Variants in PRKAR1A observed in about 807,000 individuals in gnomAD.
PRKAR1A encodes cAMP-dependent protein kinase type I-alpha regulatory subunit.
In PRKAR1A, 3 loss-of-function variants were observed where a neutral mutation model predicts 52.0. That is an observed-to-expected ratio of 0.06 (90% CI 0.03 to 0.15). The LOEUF is 0.15. PRKAR1A is among the 10% of genes least tolerant of loss of function. The pLI, the probability that PRKAR1A is intolerant of heterozygous loss-of-function variation, is 1.00. For missense variants in PRKAR1A, 240 were observed against 477.4 expected (o/e 0.50, Z 4.63); for synonymous variants, 188 against 168.4 (o/e 1.12, Z -0.90).
At chr17:68,528,740 C>A in intron 8 of PRKAR1A, 130 bp from the exon 9 acceptor site, 1 of 1,259,546 alleles carries the variant, frequency 7.9e-7, no homozygotes, top group Non-Finnish European at 1.1e-6. Flanking sequence ...ACAGGTACCA[C>A]TTTTAATCTG....
At chr17:68,537,826 G>T, downstream of PRKAR1A, 1 of 1,443,936 alleles carries the variant, frequency 6.9e-7, no homozygotes, top group Non-Finnish European at 9.5e-7. This position sits in a 1 kb window ranked among gnomAD's most constrained non-coding sequence, Gnocchi z 4.2. Flanking sequence ...AACAGCTGTT[G>T]TAGCTGATAC....
At chr17:68,495,829 G>A in the PRKAR1A span, among the ~76,000 whole-genome samples, 1 of 150,568 alleles carries the variant, frequency 6.6e-6, no homozygotes, top group Non-Finnish European at 1.5e-5. Flanking sequence ...ATGTTGGCAG[G>A]GCTGCATCCT....
chr17:68,456,619 C>T, the PRKAR1A span, among the ~76,000 whole-genome samples: 3 of 152,226 alleles, frequency 2.0e-5, no homozygotes, highest in Non-Finnish European at 4.4e-5. Flanking sequence ...TAAAAATCCA[C>T]TCAAAAACAA....
At chr17:68,546,055 G>A (rs1485257760) in intron 11 of PRKAR1A, among the ~76,000 whole-genome samples, 1 of 151,388 alleles carries the variant, frequency 6.6e-6, no homozygotes, top group Non-Finnish European at 1.5e-5. Flanking sequence ...TGTAGTCCCA[G>A]CTACTTGGGA....
At chr17:68,516,212 A>G (rs2085428912) in intron 2 of PRKAR1A, among the ~76,000 whole-genome samples, 1 of 152,142 alleles carries the variant, frequency 6.6e-6, no homozygotes, top group Admixed American at 6.5e-5. Flanking sequence ...CCTTGCTTGT[A>G]TGTCATTGTG....
At chr17:68,453,598 C>T in the PRKAR1A span, among the ~76,000 whole-genome samples, 1 of 151,742 alleles carries the variant, frequency 6.6e-6, no homozygotes, top group Non-Finnish European at 1.5e-5. Context: ...CCTGCCTCAG[C>T]CTCCCGAGCA....
chr17:68,491,094 CT>C, the PRKAR1A span, among the ~76,000 whole-genome samples: 30 of 145,158 alleles, frequency 2.1e-4, no homozygotes, highest in South Asian at 2.2e-4. Context: ...TTCTTTCTTT[CT>C]TTTTTTTTTT....
downstream of PRKAR1A, chr17:68,535,712 A>C (rs937489055): frequency 8.9e-6 from 4 of 449,250 alleles, no homozygotes; most frequent in Admixed American, 9.6e-5. Context: ...GGGTTTTGTC[A>C]TGTTACCCAG....
In PRKAR1A at chr17:68,531,557, A is replaced by G. The variant is rs2085976016; in HGVS notation, c.*1108A>G. On this transcript the variant is annotated 3_prime_UTR_variant, in exon 11 of 11. Coordinates refer to ENST00000589228, the MANE Select transcript of PRKAR1A (RefSeq NM_002734.5). ...TGGAAGAAGTTTTTTACTTTGGTTT[A>G]GTCTTTTTTTCCTTCCTTTTTATTC... 1 of 1,066,156 alleles carries G rather than the reference A, an allele frequency of 9.4e-7. No individual in the cohort carries two copies. The allele number at this position is 1,066,156 out of a possible 1,614,324, so 66.0% of individuals were successfully genotyped here. A position where few individuals can be genotyped will look rare whatever the true frequency, so the allele number is the denominator to read the frequency against.
the PRKAR1A span, among the ~76,000 whole-genome samples, chr17:68,453,942 GTA>G: frequency 2.0e-5 from 3 of 152,136 alleles, no homozygotes; most frequent in African/African-American, 7.2e-5. Context: ...TGAAGTTCAA[GTA>G]TTCTAATGAG....
At chr17:68,538,122 G>C (rs138335833), downstream of PRKAR1A, among the ~76,000 whole-genome samples, 22 of 152,304 alleles carry the variant, frequency 1.4e-4, no homozygotes, top group East Asian at 7.7e-4. Flanking sequence ...GCTATTTGCT[G>C]TCTCAAAATC....
At chr17:68,440,714 G>A in the PRKAR1A span, 1 of 152,162 alleles carries the variant, frequency 6.6e-6, no homozygotes, top group East Asian at 1.9e-4. Flanking sequence ...GAAAAGAAGT[G>A]CCTGCTCTCA....
At chr17:68,427,306 T>C in the PRKAR1A span, 5 of 1,334,944 alleles carry the variant, frequency 3.7e-6, no homozygotes, top group Admixed American at 1.7e-5. Context: ...ATCATATATC[T>C]AGGACACCTT....
the PRKAR1A span, among the ~76,000 whole-genome samples, chr17:68,487,739 G>A: frequency 4.0e-5 from 6 of 151,538 alleles, no homozygotes; most frequent in Non-Finnish European, 8.8e-5. Flanking sequence ...GGCGGAGGTT[G>A]CAGTGAGCTG....
chr17:68,540,031 G>A (rs2086219064), intron 11 of PRKAR1A: 9 of 1,412,534 alleles, frequency 6.4e-6, no homozygotes, highest in African/African-American at 1.4e-5. Flanking sequence ...CCTGACCTGA[G>A]TTCTCTCCAG....
At chr17:68,544,414 T>G (rs562860012) in intron 11 of PRKAR1A, among the ~76,000 whole-genome samples, 1 of 152,254 alleles carries the variant, frequency 6.6e-6, no homozygotes, top group Admixed American at 6.5e-5. Context: ...TTTTAATCCT[T>G]AAGGGCCTTG....
At chr17:68,444,670 A>G in the PRKAR1A span, 1 of 1,181,100 alleles carries the variant, frequency 8.5e-7, no homozygotes, top group Non-Finnish European at 1.2e-6. Flanking sequence ...CATCTTTCAT[A>G]TGAGTCCTAA....
the PRKAR1A span, among the ~76,000 whole-genome samples, chr17:68,444,752 C>T: frequency 6.6e-6 from 1 of 152,168 alleles, no homozygotes; most frequent in East Asian, 1.9e-4. Flanking sequence ...TACACACATA[C>T]ACATGTAATC....
At chr17:68,452,932 C>T in the PRKAR1A span, 2 of 1,614,048 alleles carry the variant, frequency 1.2e-6, no homozygotes, top group Non-Finnish European at 1.7e-6. Flanking sequence ...CTTGATCCAG[C>T]TGCTCCACAG....
Sources: gnomAD v4.1 joint callset for allele counts (sites outside exome capture counted in the v4.1 genomes callset) on GRCh38, gnomAD v4.1.1 for gene constraint, Gnocchi (gnomAD v3.1) non-coding constraint, MANE v1.5 for transcripts, NCBI Gene and HGNC (gene_info 2026-07-23, HGNC 2026-07-21) for gene names.